Variants in TG observed in about 807,000 individuals in gnomAD.
TG encodes the protein thyroid hormones.
TG carries 270 observed loss-of-function variants against 324.7 expected under a neutral mutation model. The ratio of observed to expected loss-of-function variants is 0.83; its 90% confidence interval spans 0.75 to 0.92. The LOEUF is 0.92. TG is among the 40% of genes least tolerant of loss of function. The pLI is 0.00. For missense variants in TG, 3,591 were observed against 3,456.4 expected, an observed-to-expected ratio of 1.04 and a Z score of -0.98; for synonymous variants, 1,401 against 1,327.0, an observed-to-expected ratio of 1.06 and a Z score of -1.21.
chr8:133,113,589 G>A lies in TG; in HGVS notation c.7740G>A (p.Leu2580=). 1 of 1,614,096 alleles carries A rather than the reference G, an allele frequency of 6.2e-7. No individual in the cohort carries two copies. The highest frequency in any genetic ancestry group is 1.3e-5 in the African/African-American group (1 of 75,012). Residue 2580 remains leucine (L), a synonymous_variant, in exon 44 of 48, where the codon CTG becomes CTA. Transcript: ENST00000220616. ...TDDYASFSRA[L]ENATRDYFII... ...ACTATGCCTCCTTCTCCCGGGCTCT[G>A]GAGAATGCCACCCGGTAAGCTAAGC...
intron 26 of TG, among the ~76,000 whole-genome samples, 165 bp from the exon 27 acceptor site, chr8:132,948,611 C>T (rs552404769): frequency 6.8e-4 from 104 of 152,296 alleles, no homozygotes; most frequent in African/African-American, 2.4e-3. Flanking sequence ...GAATCACAGG[C>T]AGGATTGTCT....
chr8:132,875,238 C>A (rs1341914792), intron 5 of TG, among the ~76,000 whole-genome samples: 1 of 152,160 alleles, frequency 6.6e-6, no homozygotes, highest in African/African-American at 2.4e-5. Flanking sequence ...CCCCTCCAGG[C>A]CTGGCCTGCC....
At chr8:133,070,791 G>C (rs1054863127) in intron 41 of TG, among the ~76,000 whole-genome samples, 1 of 152,208 alleles carries the variant, frequency 6.6e-6, no homozygotes, top group Non-Finnish European at 1.5e-5. Context: ...GGGAGCTGGT[G>C]TGCACACTGG....
chr8:132,925,326 C>A (rs1044718144), intron 22 of TG, among the ~76,000 whole-genome samples: 1 of 152,184 alleles, frequency 6.6e-6, no homozygotes, highest in Non-Finnish European at 1.5e-5. Context: ...CTAGATTTAC[C>A]TGCTTCCTCA....
In TG at chr8:133,122,708, G is replaced by A. The variant is rs903346029; in HGVS notation, c.7862+5992G>A. ...CCTGCATGGTGTTTAGCTCAGAGCC[G>A]GCATCTGGGTTGTGTGAATGTCTCT... On this transcript the variant is annotated intron_variant, in intron 45 of 47. Coordinates refer to ENST00000220616, the MANE Select transcript of TG (RefSeq NM_003235.5). 5.9e-5 allele frequency among the ~76,000 whole-genome samples: 9 copies of A among 152,136 alleles called. No homozygotes were observed. In the South Asian group the frequency reaches 6.2e-4, roughly 11 times the overall value.
intron 34 of TG, among the ~76,000 whole-genome samples, chr8:132,974,458 T>C (rs1178694571): frequency 2.0e-5 from 3 of 152,218 alleles, no homozygotes; most frequent in African/African-American, 7.2e-5. Flanking sequence ...TTTTCCATTT[T>C]AAGGTGAGAA....
At chr8:132,939,083 A>C (rs1203697707) in intron 25 of TG, among the ~76,000 whole-genome samples, 2 of 151,142 alleles carry the variant, frequency 1.3e-5, no homozygotes, top group Non-Finnish European at 2.9e-5. Context: ...CCCACCATGC[A>C]AAGCTCTCAG....
chr8:132,931,620 C>A (rs1437258265), intron 23 of TG, among the ~76,000 whole-genome samples: 2 of 152,134 alleles, frequency 1.3e-5, no homozygotes, highest in Non-Finnish European at 2.9e-5. Flanking sequence ...TCTAGTTCAG[C>A]ACTTAACCAG....
chr8:133,093,878 T>C (rs542643051), intron 41 of TG, among the ~76,000 whole-genome samples: 1 of 152,314 alleles, frequency 6.6e-6, no homozygotes, highest in South Asian at 2.1e-4. Flanking sequence ...CTTATACAAT[T>C]GCTGTGAGGG....
chr8:133,038,452 T>A, intron 41 of TG: 3 of 1,280,330 alleles, frequency 2.3e-6, no homozygotes, highest in Non-Finnish European at 3.4e-6. Flanking sequence ...GGAACCTCGC[T>A]TTTCGCAAGA....
intron 27 of TG, among the ~76,000 whole-genome samples, chr8:132,953,250 G>T (rs1563997314): frequency 6.6e-6 from 1 of 152,174 alleles, no homozygotes; most frequent in Non-Finnish European, 1.5e-5. Flanking sequence ...AGTTTGTGGG[G>T]AGCCCTTCCC....
In TG at chr8:132,886,466, C is replaced by T; in HGVS notation, c.1094C>T (p.Ala365Val). The T allele has an allele frequency of 1.9e-6, 3 of 1,614,150 alleles. No individual in the cohort carries two copies. The highest frequency in any genetic ancestry group is 2.5e-6 in the Non-Finnish European group (3 of 1,180,026). The change falls in exon 9 of 48, where the codon GCC becomes GTC. Residue 365 changes from alanine (A) to valine (V), a missense_variant. By Grantham distance (64) the Ala-to-Val change is moderately conservative. Transcript: ENST00000220616. Reference protein sequence around the residue: ...PPSCAEGQSCASERQQALSRL... With the variant: ...PPSCAEGQSCVSERQQALSRL... Reference sequence around the variant, plus strand: ...CATGCAGCTGAAGGCCAATCTTGTGCCTCCGAAAGGCAGCAGGCCTTGTCC... The same window carrying T: ...CATGCAGCTGAAGGCCAATCTTGTGTCTCCGAAAGGCAGCAGGCCTTGTCC...
At chr8:133,087,967 A>G (rs1328453917) in intron 41 of TG, 1 of 152,212 alleles carries the variant, frequency 6.6e-6, no homozygotes, top group African/African-American at 2.4e-5. Flanking sequence ...GTGTACCGCA[A>G]ATTCTTCTTG....
At position 132,868,173 on chromosome 8, in the gene TG, T is replaced by C. The variant is rs1262382386; in HGVS notation, c.126T>C (p.Phe42=). 6.2e-7 allele frequency: 1 copy of C among 1,614,026 alleles called. No individual in the cohort carries two copies. Among genetic ancestry groups the C allele is most frequent in the Non-Finnish European group, 8.5e-7 (1 of 1,180,036 alleles). ...RPCELQRETA[F]LKQADYVPQC... is the part of the protein sequence containing the mutation. The stretch of plus-strand genomic sequence containing the variant: ...GTGAGCTGCAGAGGGAAACGGCCTT[T>C]CTGAAGCAAGCAGACTACGTGCCCC... The change falls in exon 2 of 48, where the codon TTT becomes TTC. Residue 42 remains phenylalanine (F), a synonymous_variant. Transcript: ENST00000220616.
At chr8:132,990,177 T>TATATA (rs1444209499) in intron 35 of TG, among the ~76,000 whole-genome samples, 11 of 148,686 alleles carry the variant, frequency 7.4e-5, no homozygotes, top group African/African-American at 2.7e-4. Flanking sequence ...TATATATATA[T>TATATA]ATATAATATA....
intron 41 of TG, among the ~76,000 whole-genome samples, chr8:133,057,558 G>C (rs1010864759): frequency 6.6e-6 from 1 of 152,046 alleles, no homozygotes. Context: ...CTGTGAGGAG[G>C]GACTTGTTCC....
Position 133,095,136 on chromosome 8 carries a change from G to A in TG, c.7332G>A (p.Met2444Ile). ...TGGCAAAGGAGGTCAGTTGCCCCAT[G>A]TCATCCAGCCAAGAAGTGGTGTCCT... The part of the protein sequence containing the change: ...IALAKEVSCP[M>I]SSSQEVVSCL... Residue 2444 changes from methionine to isoleucine, a missense_variant, in exon 42 of 48, where the codon ATG becomes ATA. By Grantham distance (10) the Met-to-Ile change is conservative. Transcript: ENST00000220616. The A allele has an allele frequency of 6.2e-7, 1 of 1,614,206 alleles. No individual in the cohort carries two copies. Among genetic ancestry groups the A allele is most frequent in the Non-Finnish European group, 8.5e-7 (1 of 1,180,038 alleles).
chr8:132,883,161 T>TGG, intron 8 of TG, 162 bp downstream of exon 8: 1 of 706,114 alleles, frequency 1.4e-6, no homozygotes, highest in Non-Finnish European at 2.3e-6. Context: ...CATCATTAAC[T>TGG]TCCAACATGT....
intron 42 of TG, among the ~76,000 whole-genome samples, chr8:133,095,579 T>G (rs1477608039): frequency 1.3e-5 from 2 of 152,176 alleles, no homozygotes; most frequent in Admixed American, 6.5e-5. Context: ...CAGCTAGATG[T>G]GTTGAGTATT....
Sources: gnomAD v4.1 joint callset for allele counts (sites outside exome capture counted in the v4.1 genomes callset) on GRCh38, gnomAD v4.1.1 for gene constraint, MANE v1.5 for transcripts, NCBI Gene and HGNC (gene_info 2026-07-23, HGNC 2026-07-21) for gene names.